DEPDC5: variants seen among roughly 807,000 people sequenced by gnomAD.
DEPDC5 encodes the protein GATOR1 complex protein DEPDC5.
Under a neutral mutation model 217.3 loss-of-function variants are expected in DEPDC5, and 73 were observed. The ratio of observed to expected loss-of-function variants is 0.34; its 90% CI spans 0.28 to 0.41. The LOEUF (loss-of-function observed/expected upper bound fraction) is 0.41. Ranked by LOEUF, DEPDC5 falls within the 10% of genes least tolerant of loss-of-function variation. The pLI is 1.00. For missense variants in DEPDC5, 1,675 were observed against 2,070.1 expected, an observed-to-expected ratio of 0.81 and a Z score of 3.70; for synonymous variants, 733 against 756.7, an observed-to-expected ratio of 0.97 and a Z score of 0.51.
At chr22:31,756,323 C>T (rs143690694) in intron 2 of DEPDC5, among the ~76,000 whole-genome samples, 2,075 of 152,266 alleles carry the variant, frequency 0.014, 16 homozygotes, top group Middle Eastern at 0.031. Context: ...TAAAGTGATA[C>T]ATGTAATGCA....
At chr22:31,873,465 C>T in intron 35 of DEPDC5, 133 bp downstream of exon 35, 1 of 886,926 alleles carries the variant, frequency 1.1e-6, no homozygotes, top group Non-Finnish European at 1.7e-6. Context: ...GGGCAAGTCA[C>T]TTGACCTCTC....
rs769966783 is a variant in DEPDC5, at chr22:31,876,236, A to G, written c.3776A>G (p.Lys1259Arg). 18 of 1,613,984 alleles carry G rather than the reference A, an allele frequency of 1.1e-5. No homozygotes were observed. The highest frequency in any genetic ancestry group is 1.5e-5 in the Non-Finnish European group (18 of 1,180,014). ...RTFIYGFYFY[K>R]IVTDKEPDRV... The stretch of plus-strand genomic sequence containing the variant: ...TTCATCTACGGCTTCTATTTCTACA[A>G]GATAGTAACGGACAAAGAGCCCGAC... The change falls in exon 37 of 43, where the codon AAG (lysine) becomes AGG (arginine). Residue 1259 changes from lysine (K) to arginine (R), a missense_variant. By Grantham distance (26) the Lys-to-Arg change is conservative. Around this residue, in one of 11 missense-constraint regions of DEPDC5, gnomAD observed 194 missense variants for 199.3 expected, o/e 0.97. Coordinates refer to ENST00000651528, the MANE Select transcript of DEPDC5 (RefSeq NM_001242896.3).
intron 39 of DEPDC5, among the ~76,000 whole-genome samples, chr22:31,896,312 C>T (rs748753728): frequency 6.6e-6 from 1 of 152,100 alleles, no homozygotes; most frequent in Non-Finnish European, 1.5e-5. Context: ...AGGTTTTTGA[C>T]CAAGGCTTAG....
chr22:31,777,821 C>T (rs886744754), intron 7 of DEPDC5, among the ~76,000 whole-genome samples: 4 of 152,064 alleles, frequency 2.6e-5, no homozygotes, highest in African/African-American at 9.7e-5. Context: ...GATGTTGGCT[C>T]ACTACAACCT....
rs1362296192 is a variant in DEPDC5 at position 31,897,645 on chromosome 22, T to C, written c.4367T>C (p.Leu1456Pro). The C allele has an allele frequency of 1.2e-6, 2 of 1,613,908 alleles. No individual in the cohort carries two copies. The highest frequency in any genetic ancestry group is 1.3e-5 in the African/African-American group (1 of 75,010). ...SCLLKEGSEH[L>P]FDSFEPETYW... ...TTGCTCAAGGAGGGCAGCGAGCACC[T>C]GTTTGATAGTAAGAAATATTCCCTT... The change falls in exon 40 of 43, where the codon CTG becomes CCG. Residue 1456 changes from leucine to proline, a missense_variant. By Grantham distance (98) the Leu-to-Pro change is moderately conservative. Coordinates refer to ENST00000651528, the MANE Select transcript of DEPDC5 (RefSeq NM_001242896.3).
intron 5 of DEPDC5, among the ~76,000 whole-genome samples, chr22:31,765,345 A>T (rs892744201): frequency 1.3e-5 from 2 of 152,078 alleles, no homozygotes; most frequent in African/African-American, 4.8e-5. Flanking sequence ...GCTGGAGTGC[A>T]GTGGCGTGAT....
intron 31 of DEPDC5, among the ~76,000 whole-genome samples, chr22:31,851,256 A>ATCTGT (rs1423786238): frequency 1.3e-5 from 2 of 152,158 alleles, no homozygotes; most frequent in African/African-American, 4.8e-5. Context: ...TGGCCTCTTT[A>ATCTGT]TAAACAGTAA....
chr22:31,797,837 T>G, intron 13 of DEPDC5, 134 bp downstream of exon 13: 1 of 686,016 alleles, frequency 1.5e-6, no homozygotes, highest in Non-Finnish European at 2.6e-6. Context: ...GGGTTCTGTT[T>G]CCAGTTGGAT....
intron 20 of DEPDC5, chr22:31,814,025 C>T (rs909610481): frequency 1.3e-5 from 2 of 152,132 alleles, no homozygotes; most frequent in Non-Finnish European, 2.9e-5. Flanking sequence ...ATCTCAGCTA[C>T]TTGGGAGGCT....
At position 31,823,532 on chromosome 22, in the gene DEPDC5, CAAAA is replaced by C. The variant is rs375009177; in HGVS notation, c.2104+761_2104+764del. Among the ~76,000 whole-genome samples the C allele has an allele frequency of 1.1e-4, 6 of 52,252 alleles. No homozygotes were observed. In the South Asian group the frequency reaches 3.3e-3, roughly 29 times the overall value. The allele number at this position is 52,252 out of a possible 152,430, so 34.3% of individuals were successfully genotyped here. On this transcript the variant is annotated intron_variant, in intron 24 of 42. Transcript: ENST00000651528. ...TGGGCTGCACAGCCAGACTCCATCT[CAAAA>C]AAAAAAAAAAAAAAAAAAGAGAAGT...
At chr22:31,803,985 A>G (rs1014582446) in intron 15 of DEPDC5, among the ~76,000 whole-genome samples, 177 bp from the exon 16 acceptor site, 1 of 152,216 alleles carries the variant, frequency 6.6e-6, no homozygotes, top group Non-Finnish European at 1.5e-5. Flanking sequence ...GAAAAGAGGA[A>G]ACAGACAAAA....
At chr22:31,783,668 TCAAAA>T (rs918119888) in intron 8 of DEPDC5, among the ~76,000 whole-genome samples, 22 of 152,124 alleles carry the variant, frequency 1.4e-4, no homozygotes, top group African/African-American at 5.1e-4. Context: ...AGATCCTGTC[TCAAAA>T]CAAAGGAAAA....
Position 31,798,575 on chromosome 22 carries a change from G to C in DEPDC5, c.872-7G>C. 6.2e-7 allele frequency: 1 copy of C among 1,605,312 alleles called. No individual in the cohort carries two copies. The highest frequency in any genetic ancestry group is 8.5e-7 in the Non-Finnish European group (1 of 1,174,792). ...TGTTTTTCTTTCTCTTGCATATTTT[G>C]CTTCAGAGGGCTTTCCTCAAGGAGA... On this transcript the variant is annotated splice_polypyrimidine_tract_variant and splice_region_variant and intron_variant, in intron 13 of 42. Coordinates refer to ENST00000651528, the MANE Select transcript of DEPDC5 (RefSeq NM_001242896.3).
intron 20 of DEPDC5, 143 bp downstream of exon 20, chr22:31,810,784 T>C: frequency 7.2e-7 from 1 of 1,381,002 alleles, no homozygotes. Flanking sequence ...TGTTTTGTTT[T>C]GTTTTTTTGA....
At chr22:31,811,062 A>G (rs2088257406) in intron 20 of DEPDC5, among the ~76,000 whole-genome samples, 1 of 151,376 alleles carries the variant, frequency 6.6e-6, no homozygotes, top group Middle Eastern at 3.2e-3. Flanking sequence ...GGCGTGAGCC[A>G]CTGTGCCTGG....
At chr22:31,757,712 T>C (rs2082053255) in intron 2 of DEPDC5, among the ~76,000 whole-genome samples, 1 of 152,184 alleles carries the variant, frequency 6.6e-6, no homozygotes, top group Non-Finnish European at 1.5e-5. Flanking sequence ...GTTCTCCCCA[T>C]CCCTAGTAGA....
intron 39 of DEPDC5, among the ~76,000 whole-genome samples, chr22:31,895,098 C>T (rs576201170): frequency 2.0e-4 from 30 of 147,074 alleles, no homozygotes; most frequent in African/African-American, 7.1e-4. Context: ...GAGCTGAGAT[C>T]GCGCCATTGC....
intron 37 of DEPDC5, among the ~76,000 whole-genome samples, chr22:31,879,044 AT>A (rs1180636144): frequency 0.049 from 3,602 of 73,858 alleles, 210 homozygotes; most frequent in African/African-American, 0.13. Flanking sequence ...AAAAAAAAAA[AT>A]ATATATATAT....
intron 24 of DEPDC5, among the ~76,000 whole-genome samples, chr22:31,826,115 C>A (rs1392225849): frequency 6.6e-6 from 1 of 151,940 alleles, no homozygotes; most frequent in Non-Finnish European, 1.5e-5. Flanking sequence ...CAAGCAATTC[C>A]CCTGCCTCAG....
Sources: allele counts gnomAD v4.1 joint callset (sites outside exome capture counted in the v4.1 genomes callset), GRCh38; gene constraint gnomAD v4.1.1; regional missense constraint gnomAD v4.1.1; transcripts MANE v1.5; gene names NCBI Gene and HGNC (gene_info 2026-07-23, HGNC 2026-07-21).